Variants in CACNA2D1 observed in about 807,000 individuals in gnomAD.
CACNA2D1 encodes the protein voltage-dependent calcium channel subunit alpha-2/delta-1.
In CACNA2D1, 53 loss-of-function variants were observed where a neutral mutation model predicts 171.5. That is an observed-to-expected ratio of 0.31 (90% CI 0.25 to 0.39). The LOEUF (loss-of-function observed/expected upper bound fraction) is 0.39, where lower values mean the gene tolerates loss of function less well. Among genes scored for constraint, CACNA2D1 ranks in the 10% least tolerant of loss-of-function variants. The probability of loss-of-function intolerance (pLI) is 1.00; values close to 1 mark genes in which losing one functional copy is unlikely to be tolerated. For missense variants in CACNA2D1, 903 were observed against 1,299.8 expected (o/e 0.69, Z 4.69); for synonymous variants, 442 against 443.1 (o/e 1.00, Z 0.03).
At chr7:82,256,270 G>T (rs1319778259) in intron 3 of CACNA2D1, among the ~76,000 whole-genome samples, 1 of 151,884 alleles carries the variant, frequency 6.6e-6, no homozygotes, top group African/African-American at 2.4e-5. Flanking sequence ...CTACAGCCTG[G>T]GTGACAGAGT....
chr7:82,073,261 A>AT (rs1808538057), intron 7 of CACNA2D1, among the ~76,000 whole-genome samples: 1 of 152,118 alleles, frequency 6.6e-6, no homozygotes, highest in South Asian at 2.1e-4. Context: ...TCCTTGTTTC[A>AT]TTTTTATTTA....
intron 4 of CACNA2D1, among the ~76,000 whole-genome samples, chr7:82,165,138 G>A (rs1020755581): frequency 7.2e-5 from 11 of 151,904 alleles, no homozygotes; most frequent in Non-Finnish European, 1.6e-4. Flanking sequence ...CAGCGGATTG[G>A]TCCTGAAAAT....
chr7:82,233,189 T>C (rs1370154582), intron 3 of CACNA2D1, among the ~76,000 whole-genome samples: 1 of 152,210 alleles, frequency 6.6e-6, no homozygotes, highest in African/African-American at 2.4e-5. Flanking sequence ...TATATAGTGA[T>C]GGCTACATAA....
At chr7:82,368,450 T>C (rs2299178) in intron 1 of CACNA2D1, among the ~76,000 whole-genome samples, 22,718 of 152,250 alleles carry the variant, frequency 0.15, 1,832 homozygotes, top group South Asian at 0.27. Flanking sequence ...TTCAAAGTCA[T>C]AAGTAGATTC....
intron 3 of CACNA2D1, among the ~76,000 whole-genome samples, chr7:82,245,641 G>GTCTC (rs151115597): frequency 3.4e-5 from 5 of 148,096 alleles, no homozygotes; most frequent in Non-Finnish European, 7.5e-5. Context: ...CACACAAAAT[G>GTCTC]TCTCTCTCTC....
chr7:82,269,745 C>T (rs1808370910), intron 3 of CACNA2D1, among the ~76,000 whole-genome samples: 1 of 152,166 alleles, frequency 6.6e-6, no homozygotes, highest in African/African-American at 2.4e-5. Context: ...GCATCAGCAA[C>T]ACCAGGAAGA....
chr7:82,335,380 T>G (rs1817866166), intron 2 of CACNA2D1, 129 bp from the exon 3 acceptor site: 1 of 686,750 alleles, frequency 1.5e-6, no homozygotes, highest in South Asian at 1.6e-5. Context: ...TCTTGATCTT[T>G]TTGGAGTTTG....
At position 81,950,424 on chromosome 7, in the gene CACNA2D1, G is replaced by A; in HGVS notation, c.3244C>T (p.Leu1082=). The change falls in exon 39 of 39, where the codon CTG becomes TTG. Residue 1082 remains leucine (L), a synonymous_variant. Coordinates refer to ENST00000356860, the MANE Select transcript of CACNA2D1 (RefSeq NM_000722.4). The part of the protein sequence containing the change: ...IIGIQFLLLW[L]VSGSTHRLL The stretch of plus-strand genomic sequence containing the variant: ...AGGCGGTGTGTGCTGCCAGATACCA[G>A]CCAAAGTAGTAGAAACTGGATTCCA... 1.2e-6 allele frequency: 2 copies of A among 1,613,140 alleles called. No individual in the cohort carries two copies. Among genetic ancestry groups the A allele is most frequent in the Non-Finnish European group, 1.7e-6 (2 of 1,179,564 alleles).
intron 23 of CACNA2D1, chr7:81,982,831 A>C: frequency 1.6e-6 from 1 of 638,524 alleles, no homozygotes; most frequent in Non-Finnish European, 2.8e-6. Flanking sequence ...GATTAACTTC[A>C]TAACATGGAT....
intron 3 of CACNA2D1, among the ~76,000 whole-genome samples, chr7:82,236,378 A>T (rs1266927634): frequency 1.3e-5 from 2 of 152,086 alleles, no homozygotes; most frequent in African/African-American, 2.4e-5. Flanking sequence ...GGTAGTCAAT[A>T]GTATAATATG....
intron 3 of CACNA2D1, among the ~76,000 whole-genome samples, chr7:82,274,336 A>G (rs1298570691): frequency 2.6e-5 from 4 of 152,312 alleles, no homozygotes; most frequent in South Asian, 4.1e-4. Context: ...TAAAAAGTCT[A>G]TTATTTTCTT....
chr7:82,358,685 T>C (rs964178748), intron 1 of CACNA2D1, among the ~76,000 whole-genome samples: 1 of 151,774 alleles, frequency 6.6e-6, no homozygotes, highest in Non-Finnish European at 1.5e-5. Context: ...TTTTTTTTTC[T>C]GCTCGTGTGT....
chr7:82,291,181 T>C (rs575321972), intron 3 of CACNA2D1, among the ~76,000 whole-genome samples: 3 of 125,278 alleles, frequency 2.4e-5, no homozygotes, highest in African/African-American at 9.3e-5. Flanking sequence ...ATTATAATTC[T>C]ATATCGATAT....
intron 1 of CACNA2D1, among the ~76,000 whole-genome samples, chr7:82,371,765 G>C (rs1394041835): frequency 6.6e-6 from 1 of 151,896 alleles, no homozygotes; most frequent in Non-Finnish European, 1.5e-5. Flanking sequence ...AGTAGAGATG[G>C]GGGTTTCACC....
chr7:82,173,557 T>A (rs560318967), intron 3 of CACNA2D1, among the ~76,000 whole-genome samples: 160 of 152,158 alleles, frequency 1.1e-3, no homozygotes, highest in Non-Finnish European at 2.0e-3. Context: ...TACTAAACTT[T>A]AGAGACTTAG....
intron 3 of CACNA2D1, among the ~76,000 whole-genome samples, chr7:82,224,038 C>T (rs1466424533): frequency 6.6e-6 from 1 of 152,144 alleles, no homozygotes; most frequent in African/African-American, 2.4e-5. Flanking sequence ...TGCTTCCCTT[C>T]ACTTTCATTA....
At chr7:82,290,242 T>C (rs936256461) in intron 3 of CACNA2D1, among the ~76,000 whole-genome samples, 11 of 151,920 alleles carry the variant, frequency 7.2e-5, no homozygotes, top group African/African-American at 1.5e-4. Flanking sequence ...ACAGGAAAAA[T>C]CAAAAGGATG....
At chr7:82,312,071 T>C (rs1453448985) in intron 3 of CACNA2D1, among the ~76,000 whole-genome samples, 1 of 152,200 alleles carries the variant, frequency 6.6e-6, no homozygotes, top group African/African-American at 2.4e-5. Flanking sequence ...TGAAATTTCA[T>C]ATGAAAAAGT....
intron 21 of CACNA2D1, among the ~76,000 whole-genome samples, chr7:81,987,190 T>C (rs80297045): frequency 2.8e-4 from 42 of 152,338 alleles, no homozygotes; most frequent in Non-Finnish European, 5.1e-4. Context: ...ATACTTAATT[T>C]AATTATGTCC....
Sources: allele counts gnomAD v4.1 joint callset (sites outside exome capture counted in the v4.1 genomes callset), GRCh38; gene constraint gnomAD v4.1.1; transcripts MANE v1.5; gene names NCBI Gene and HGNC (gene_info 2026-07-23, HGNC 2026-07-21).